Variants in CDH22 observed in about 807,000 individuals in gnomAD.
CDH22 encodes cadherin 22.
Under a neutral mutation model 58.4 loss-of-function variants are expected in CDH22, and 30 were observed. The ratio of observed to expected loss-of-function variants is 0.51; its 90% CI spans 0.38 to 0.70. The LOEUF (loss-of-function observed/expected upper bound fraction) is 0.70, where lower values mean the gene tolerates loss of function less well. Among genes scored for constraint, CDH22 ranks in the 30% least tolerant of loss-of-function variants. The probability of loss-of-function intolerance (pLI) is 0.00; values close to 1 mark genes in which losing one functional copy is unlikely to be tolerated. For missense variants in CDH22, 1,014 were observed against 1,233.9 expected (o/e 0.82, Z 2.67); for synonymous variants, 513 against 558.2 (o/e 0.92, Z 1.14).
In CDH22 at chr20:46,251,433, C is replaced by T; in HGVS notation, c.-139G>A. 1.0e-6 allele frequency: 1 copy of T among 1,001,904 alleles called. No individual in the cohort carries two copies. Among genetic ancestry groups the T allele is most frequent in the Non-Finnish European group, 1.3e-6 (1 of 761,920 alleles). The allele number at this position is 1,001,904 out of a possible 1,614,324, so 62.1% of individuals were successfully genotyped here. A position where few individuals can be genotyped will look rare whatever the true frequency, so the allele number is the denominator to read the frequency against. On this transcript the variant is annotated 5_prime_UTR_variant, in exon 2 of 12. It adds an upstream start codon to the 5' untranslated region. Transcript: ENST00000537909. The surrounding 1 kb of genome is among the most constrained non-coding windows in gnomAD (Gnocchi z 6.7). ...CCGGGATGTCGCCCCCGACGGGGCA[C>T]CCGGACGGGCCCGCGGCCCTGAACG...
chr20:46,290,582 C>T (rs574673102), intron 1 of CDH22, among the ~76,000 whole-genome samples: 2 of 152,248 alleles, frequency 1.3e-5, no homozygotes, highest in East Asian at 1.9e-4. Context: ...TAGTGCGATG[C>T]GGGCCTGAGC....
intron 1 of CDH22, among the ~76,000 whole-genome samples, chr20:46,281,808 C>T (rs941568085): frequency 1.2e-4 from 18 of 152,238 alleles, no homozygotes; most frequent in African/African-American, 4.3e-4. Flanking sequence ...GGAATATGGA[C>T]AGGATATGAG....
At chr20:46,274,151 G>T (rs2086505821) in intron 1 of CDH22, among the ~76,000 whole-genome samples, 1 of 152,230 alleles carries the variant, frequency 6.6e-6, no homozygotes, top group Admixed American at 6.5e-5. Flanking sequence ...GCTTCGAACA[G>T]TCATGCCTGA....
At chr20:46,297,061 T>G (rs1214818920) in intron 1 of CDH22, among the ~76,000 whole-genome samples, 2 of 152,124 alleles carry the variant, frequency 1.3e-5, no homozygotes, top group African/African-American at 4.8e-5. Flanking sequence ...GCTGAGTTGA[T>G]GCAGAGACCT....
At chr20:46,247,310 C>T (rs567694737) in intron 2 of CDH22, among the ~76,000 whole-genome samples, 1 of 152,048 alleles carries the variant, frequency 6.6e-6, no homozygotes, top group South Asian at 2.1e-4. Context: ...CCAGTAATAG[C>T]CTCACTTAAC....
intron 11 of CDH22, among the ~76,000 whole-genome samples, chr20:46,175,622 T>C (rs1487298337): frequency 6.6e-6 from 1 of 152,218 alleles, no homozygotes; most frequent in Non-Finnish European, 1.5e-5. Context: ...GTTCCATGCC[T>C]TCCCCTGCAA....
At chr20:46,221,971 G>T (rs1208031780) in intron 4 of CDH22, among the ~76,000 whole-genome samples, 1 of 152,204 alleles carries the variant, frequency 6.6e-6, no homozygotes, top group Non-Finnish European at 1.5e-5. Context: ...CAGATAGGCT[G>T]CAGGAGGACT....
At chr20:46,297,168 C>T (rs56194818) in intron 1 of CDH22, among the ~76,000 whole-genome samples, 24 of 152,216 alleles carry the variant, frequency 1.6e-4, no homozygotes, top group African/African-American at 5.1e-4. Flanking sequence ...CATGAGGGCT[C>T]GAAGCCAGGG....
At chr20:46,297,399 G>A (rs1399356823) in intron 1 of CDH22, among the ~76,000 whole-genome samples, 3 of 151,946 alleles carry the variant, frequency 2.0e-5, no homozygotes, top group South Asian at 2.1e-4. Flanking sequence ...TGGAACGGGG[G>A]CTCAGGGATG....
intron 3 of CDH22, 138 bp from the exon 4 acceptor site, chr20:46,227,765 G>A (rs1378315373): frequency 5.5e-6 from 7 of 1,264,666 alleles, no homozygotes; most frequent in Non-Finnish European, 7.5e-6. Flanking sequence ...AGCCCCTCAC[G>A]GTCCCCATCC....
chr20:46,178,443 C>T (rs539537496), intron 10 of CDH22, among the ~76,000 whole-genome samples: 1 of 152,196 alleles, frequency 6.6e-6, no homozygotes, highest in Non-Finnish European at 1.5e-5. Flanking sequence ...ATCCTGTCCC[C>T]ATGTAGCCCA....
intron 1 of CDH22, among the ~76,000 whole-genome samples, chr20:46,274,402 A>G (rs923887361): frequency 4.6e-5 from 7 of 152,210 alleles, no homozygotes; most frequent in Non-Finnish European, 4.4e-5. Context: ...CTTTCTCCTT[A>G]AACTCAGTGG....
intron 1 of CDH22, among the ~76,000 whole-genome samples, chr20:46,267,533 TCCAAAGCAGTGAGCTTCCGCC>T (rs1343031318): frequency 6.6e-6 from 1 of 152,220 alleles, no homozygotes; most frequent in East Asian, 1.9e-4. Flanking sequence ...AGGGGCCAAC[TCCAAAGCAGTGAGCTTCCGCC>T]CCAGCATACT....
chr20:46,223,699 TTCTTTCTTTCTTTCTTTTTC>T (rs1314984346), intron 4 of CDH22, among the ~76,000 whole-genome samples: 1 of 75,402 alleles, frequency 1.3e-5, no homozygotes, highest in Non-Finnish European at 2.8e-5. Context: ...CTTTCTTTCT[TTCTTTCTTTCTTTCTTTTTC>T]TTTCTTTCTC....
Position 46,251,092 on chromosome 20 carries a change from T to A in CDH22, c.203A>T (p.Gln68Leu). 6.2e-7 allele frequency: 1 copy of A among 1,611,490 alleles called. No individual in the cohort carries two copies. The highest frequency in any genetic ancestry group is 8.5e-7 in the Non-Finnish European group (1 of 1,178,770). ...GRVKRGWVWNQFFVVEEYTGT... is the reference protein window; with the variant it reads ...GRVKRGWVWNLFFVVEEYTGT... ...CGTGTACTCCTCTACCACGAAGAAC[T>A]GGTTCCACACCCAGCCGCGTTTGAC... Residue 68 changes from glutamine to leucine, a missense_variant, in exon 2 of 12, where the codon CAG becomes CTG. By Grantham distance (113) the Gln-to-Leu change is moderately radical. Coordinates refer to ENST00000537909, the MANE Select transcript of CDH22 (RefSeq NM_021248.3). The surrounding 1 kb of genome is among the most constrained non-coding windows in gnomAD (Gnocchi z 6.7).
chr20:46,179,295 A>G (rs2085767589), intron 10 of CDH22, among the ~76,000 whole-genome samples: 1 of 152,174 alleles, frequency 6.6e-6, no homozygotes, highest in African/African-American at 2.4e-5. Context: ...CGCGGTCTTC[A>G]GTCTGCTGTT....
chr20:46,229,038 T>C (rs923361671), intron 3 of CDH22, among the ~76,000 whole-genome samples: 82 of 152,074 alleles, frequency 5.4e-4, no homozygotes, highest in African/African-American at 1.9e-3. Flanking sequence ...GCAATGCGCC[T>C]CTCTCTTTGG....
At chr20:46,197,130 G>C (rs2085909967) in intron 8 of CDH22, among the ~76,000 whole-genome samples, 1 of 152,046 alleles carries the variant, frequency 6.6e-6, no homozygotes, top group South Asian at 2.1e-4. Flanking sequence ...GCAATGCCGT[G>C]GGGACCAAGC....
chr20:46,212,617 A>G (rs1164625671), intron 6 of CDH22, among the ~76,000 whole-genome samples: 1 of 152,138 alleles, frequency 6.6e-6, no homozygotes, highest in Admixed American at 6.5e-5. Flanking sequence ...CTCAGCATCT[A>G]TTTTCTCAGT....
Sources: gnomAD v4.1 joint callset for allele counts (sites outside exome capture counted in the v4.1 genomes callset) on GRCh38, gnomAD v4.1.1 for gene constraint, Gnocchi (gnomAD v3.1) non-coding constraint, MANE v1.5 for transcripts, NCBI Gene and HGNC (gene_info 2026-07-23, HGNC 2026-07-21) for gene names.